TRDN: variants seen among roughly 807,000 people sequenced by gnomAD.
TRDN encodes the protein triadin in skeletal muscle.
Under a neutral mutation model 149.7 loss-of-function variants are expected in TRDN, and 161 were observed. The ratio of observed to expected loss-of-function variants is 1.08; its 90% CI spans 0.95 to 1.23. The LOEUF (loss-of-function observed/expected upper bound fraction) is 1.23, where lower values mean the gene tolerates loss of function less well. TRDN is among the 50% of genes most tolerant of loss of function. The probability of loss-of-function intolerance (pLI) is 0.00; values close to 1 mark genes in which losing one functional copy is unlikely to be tolerated. For missense variants in TRDN, 896 were observed against 823.5 expected, an observed-to-expected ratio of 1.09 and a Z score of -1.08; for synonymous variants, 294 against 250.5, an observed-to-expected ratio of 1.17 and a Z score of -1.64.
Position 123,636,926 on chromosome 6 carries a change from T to A in TRDN, c.-151A>T. 1 of 860,616 alleles carries A rather than the reference T, an allele frequency of 1.2e-6. No homozygotes were observed. Among genetic ancestry groups the A allele is most frequent in the East Asian group, 2.6e-5 (1 of 38,158 alleles). The allele number at this position is 860,616 out of a possible 1,614,324, so 53.3% of individuals were successfully genotyped here. ...GGCTGTTTCTGCTGCTTCTTTGTTG[T>A]CCTGTTGAACTTTGCCTCTCCTCTG... On this transcript the variant is annotated 5_prime_UTR_variant, in exon 1 of 41. Transcript: ENST00000334268.
intron 1 of TRDN, among the ~76,000 whole-genome samples, chr6:123,596,030 A>G (rs1784022933): frequency 6.6e-6 from 1 of 152,120 alleles, no homozygotes; most frequent in Non-Finnish European, 1.5e-5. Context: ...AGCCATGTTC[A>G]AAGCTGAGCT....
At chr6:123,482,670 A>G (rs1777797522) in intron 9 of TRDN, among the ~76,000 whole-genome samples, 2 of 152,288 alleles carry the variant, frequency 1.3e-5, no homozygotes, top group Middle Eastern at 6.8e-3. Flanking sequence ...TAAATCATCA[A>G]TTTGTTTCTA....
At chr6:123,453,950 A>G (rs1307656175) in intron 10 of TRDN, among the ~76,000 whole-genome samples, 1 of 152,048 alleles carries the variant, frequency 6.6e-6, no homozygotes, top group Non-Finnish European at 1.5e-5. Context: ...CAACTCAGCC[A>G]TAAAAAGGAA....
At chr6:123,398,977 C>A (rs549517085) in intron 12 of TRDN, among the ~76,000 whole-genome samples, 1 of 152,092 alleles carries the variant, frequency 6.6e-6, no homozygotes, top group Non-Finnish European at 1.5e-5. Context: ...CCTCATCAAG[C>A]CATGTATTTT....
chr6:123,374,642 T>C (rs981656826), intron 19 of TRDN, among the ~76,000 whole-genome samples: 2 of 152,050 alleles, frequency 1.3e-5, no homozygotes, highest in African/African-American at 4.8e-5. Flanking sequence ...ATGTATCTAC[T>C]GACATAATAT....
chr6:123,612,116 C>A (rs1196428016), intron 1 of TRDN, among the ~76,000 whole-genome samples: 2 of 151,054 alleles, frequency 1.3e-5, no homozygotes, highest in Middle Eastern at 6.4e-3. Flanking sequence ...GGGGGCCGGG[C>A]GCAATGGCTC....
chr6:123,331,506 A>T (rs1316507393), intron 23 of TRDN, among the ~76,000 whole-genome samples: 3 of 152,028 alleles, frequency 2.0e-5, no homozygotes. Flanking sequence ...GAATCAAAAG[A>T]TTTCACTGAG....
At chr6:123,474,131 T>C (rs1777336491) in intron 9 of TRDN, among the ~76,000 whole-genome samples, 1 of 150,254 alleles carries the variant, frequency 6.7e-6, no homozygotes, top group Non-Finnish European at 1.5e-5. Context: ...AATGCTCCAA[T>C]TAAAAGACAC....
chr6:123,283,164 C>T (rs1465161843), intron 24 of TRDN, among the ~76,000 whole-genome samples: 1 of 151,752 alleles, frequency 6.6e-6, no homozygotes, highest in African/African-American at 2.4e-5. Flanking sequence ...CTAAAAGGAA[C>T]CTTCAAAACT....
chr6:123,595,602 T>C (rs1783998985), intron 1 of TRDN, among the ~76,000 whole-genome samples: 1 of 152,310 alleles, frequency 6.6e-6, no homozygotes, highest in South Asian at 2.1e-4. Flanking sequence ...AGCAAGTCCA[T>C]TGGCATCATT....
At chr6:123,264,834 A>G (rs1405338454) in intron 33 of TRDN, among the ~76,000 whole-genome samples, 2 of 152,066 alleles carry the variant, frequency 1.3e-5, no homozygotes, top group African/African-American at 4.8e-5. Flanking sequence ...TCAGATGATC[A>G]CTAACATTTT....
At chr6:123,439,034 G>A in intron 10 of TRDN, 31 bp from the exon 11 acceptor site, 1 of 1,501,586 alleles carries the variant, frequency 6.7e-7, no homozygotes, top group Non-Finnish European at 9.0e-7. Flanking sequence ...ATTTCCTTTA[G>A]GGAAATTTAG....
intron 5 of TRDN, among the ~76,000 whole-genome samples, chr6:123,523,272 G>C (rs1195345783): frequency 6.6e-6 from 1 of 152,052 alleles, no homozygotes; most frequent in Non-Finnish European, 1.5e-5. Flanking sequence ...TTATGAGACA[G>C]TGACAATGCC....
Position 123,626,311 on chromosome 6 carries a change from G to A in TRDN, c.22+10443C>T, listed in dbSNP as rs552252829. Among the ~76,000 whole-genome samples, 189 of 152,022 alleles carry A rather than the reference G, an allele frequency of 1.2e-3. 1 individual carries two copies. The highest frequency in any genetic ancestry group is 2.3e-3 in the Admixed American group (35 of 15,252). ...ACCTTGGCCAACATGGTGAAACCCC[G>A]TCTCTACAAAAACATACAAAAATTA... is the stretch of plus-strand genomic sequence containing the variant. On this transcript the variant is annotated intron_variant, in intron 1 of 40. Transcript: ENST00000334268.
At chr6:123,561,097 G>A (rs1222896500) in intron 2 of TRDN, among the ~76,000 whole-genome samples, 1 of 152,130 alleles carries the variant, frequency 6.6e-6, no homozygotes, top group Non-Finnish European at 1.5e-5. Context: ...GATGGGTAGA[G>A]GCCTTTCCCA....
chr6:123,438,425 T>C (rs1774701582), intron 11 of TRDN, among the ~76,000 whole-genome samples: 1 of 152,062 alleles, frequency 6.6e-6, no homozygotes, highest in African/African-American at 2.4e-5. Flanking sequence ...CTAACATATA[T>C]TGAAAAGAAT....
chr6:123,297,176 C>A (rs1292411964), intron 24 of TRDN, among the ~76,000 whole-genome samples: 1 of 151,930 alleles, frequency 6.6e-6, no homozygotes, highest in Non-Finnish European at 1.5e-5. Context: ...TTTTTTGAGG[C>A]TGCACTACAA....
At chr6:123,573,887 T>C (rs1231772937) in intron 1 of TRDN, among the ~76,000 whole-genome samples, 1 of 152,052 alleles carries the variant, frequency 6.6e-6, no homozygotes, top group Admixed American at 6.6e-5. Flanking sequence ...AATTTTTAAG[T>C]ATTGGAGAAA....
At chr6:123,634,866 C>T (rs1786211126) in intron 1 of TRDN, among the ~76,000 whole-genome samples, 1 of 151,926 alleles carries the variant, frequency 6.6e-6, no homozygotes, top group Non-Finnish European at 1.5e-5. Flanking sequence ...GGTATTTCTA[C>T]TTTTTAATTT....
Sources: gnomAD v4.1 joint callset for allele counts (sites outside exome capture counted in the v4.1 genomes callset) on GRCh38, gnomAD v4.1.1 for gene constraint, MANE v1.5 for transcripts, NCBI Gene and HGNC (gene_info 2026-07-23, HGNC 2026-07-21) for gene names.